Variants in LRBA observed in about 807,000 individuals in gnomAD.
LRBA encodes lipopolysaccharide-responsive and beige-like anchor protein.
LRBA carries 176 observed loss-of-function variants against 330.0 expected under a neutral mutation model. The ratio of observed to expected loss-of-function variants is 0.53; its 90% confidence interval spans 0.47 to 0.60. The LOEUF is 0.60. Among genes scored for constraint, LRBA ranks in the 20% least tolerant of loss-of-function variants. The pLI is 0.00. For synonymous variants in LRBA, 1,230 were observed against 1,193.0 expected (o/e 1.03, Z -0.64); for missense variants, 3,259 against 3,444.8 (o/e 0.95, Z 1.35).
chr4:150,651,039 C>A (rs1161533696), intron 37 of LRBA, among the ~76,000 whole-genome samples: 1 of 152,152 alleles, frequency 6.6e-6, no homozygotes, highest in South Asian at 2.1e-4. Flanking sequence ...AGCCTATTAA[C>A]AAGCAAACCT....
intron 40 of LRBA, among the ~76,000 whole-genome samples, chr4:150,505,207 C>CTCAG (rs909305206): frequency 4.6e-5 from 7 of 152,200 alleles, no homozygotes; most frequent in Admixed American, 3.3e-4. Context: ...AGGAACTGAA[C>CTCAG]TCAGCTCTGC....
intron 47 of LRBA, among the ~76,000 whole-genome samples, chr4:150,411,040 A>T (rs1014600306): frequency 6.6e-6 from 1 of 152,114 alleles, no homozygotes; most frequent in Non-Finnish European, 1.5e-5. Flanking sequence ...TCTGAAATAA[A>T]TTTTTTTCCT....
At chr4:150,707,209 C>G (rs997662257) in intron 36 of LRBA, among the ~76,000 whole-genome samples, 1 of 151,408 alleles carries the variant, frequency 6.6e-6, no homozygotes, top group Non-Finnish European at 1.5e-5. Flanking sequence ...TCACTGTGTG[C>G]TTTCTTATAA....
At chr4:150,708,107 A>G (rs113498982) in intron 36 of LRBA, among the ~76,000 whole-genome samples, 2 of 151,866 alleles carry the variant, frequency 1.3e-5, no homozygotes, top group African/African-American at 2.4e-5. Context: ...GGCAAATCTC[A>G]CAAGTAACAG....
chr4:150,791,414 C>A (rs573858694), intron 34 of LRBA, among the ~76,000 whole-genome samples: 26 of 152,320 alleles, frequency 1.7e-4, no homozygotes, highest in African/African-American at 6.0e-4. Context: ...AATTATTTGT[C>A]TCGCTCACTA....
chr4:150,597,083 C>A lies in LRBA; in HGVS notation c.6046+1924G>T, dbSNP rs982705794. On this transcript the variant is annotated intron_variant, in intron 38 of 56. Coordinates refer to ENST00000651943, the MANE Select transcript of LRBA (RefSeq NM_001364905.1). ...CTATAAAATATTACTCAATGCTTAC[C>A]TTTGCTGTTCTCTCTCAATTTAAAA... The A allele has an allele frequency of 4.3e-6, 6 of 1,390,138 alleles. No homozygotes were observed. In the African/African-American group the frequency reaches 5.8e-5, roughly 13 times the overall value. The allele number at this position is 1,390,138 out of a possible 1,614,324, so 86.1% of individuals were successfully genotyped here.
chr4:150,443,853 A>AAAATATATAT (rs70941406), intron 44 of LRBA, among the ~76,000 whole-genome samples: 19 of 75,460 alleles, frequency 2.5e-4, no homozygotes, highest in Non-Finnish European at 5.1e-4. Flanking sequence ...TAATTAAAAA[A>AAAATATATAT]ATATATATAT....
chr4:150,847,516 G>A lies in LRBA; in HGVS notation c.4339+1302C>T, dbSNP rs149946476. 1.1e-3 allele frequency among the ~76,000 whole-genome samples: 161 copies of A among 152,184 alleles called. 3 individuals are homozygous for A. Among genetic ancestry groups the A allele is most frequent in the African/African-American group, 3.8e-3 (157 of 41,540 alleles). On this transcript the variant is annotated intron_variant, in intron 26 of 56. Coordinates refer to ENST00000651943, the MANE Select transcript of LRBA (RefSeq NM_001364905.1). ...ATTAGTTTATGTAACAGACATTCTT[G>A]CTAAATATGAAAAAATATGTCATTA... is the stretch of plus-strand genomic sequence containing the variant.
chr4:150,946,790 A>T (rs1736293426), intron 2 of LRBA, among the ~76,000 whole-genome samples: 1 of 152,088 alleles, frequency 6.6e-6, no homozygotes, highest in South Asian at 2.1e-4. Context: ...TAATCAATGA[A>T]GAGCTAGTTC....
intron 46 of LRBA, among the ~76,000 whole-genome samples, chr4:150,426,195 T>C (rs1406371308): frequency 2.0e-5 from 3 of 152,042 alleles, no homozygotes; most frequent in Non-Finnish European, 4.4e-5. Flanking sequence ...AAATTTAGTT[T>C]GTCCTAATTT....
At chr4:150,736,978 T>C (rs1486181329) in intron 35 of LRBA, among the ~76,000 whole-genome samples, 1 of 151,700 alleles carries the variant, frequency 6.6e-6, no homozygotes, top group Non-Finnish European at 1.5e-5. Context: ...CTTTGGGAGG[T>C]CCGGGCGAGA....
At chr4:150,531,645 A>C (rs905968384) in intron 40 of LRBA, among the ~76,000 whole-genome samples, 1 of 152,198 alleles carries the variant, frequency 6.6e-6, no homozygotes, top group Non-Finnish European at 1.5e-5. Context: ...TTGATGAATG[A>C]GTGGATAGGC....
chr4:150,350,567 CAAA>C (rs34934931), intron 47 of LRBA, among the ~76,000 whole-genome samples: 3 of 138,466 alleles, frequency 2.2e-5, no homozygotes. Flanking sequence ...AACTCCATCT[CAAA>C]AAAAAAAAAA....
At chr4:150,966,594 GGGATTACA>G (rs915623493) in intron 2 of LRBA, among the ~76,000 whole-genome samples, 3 of 151,152 alleles carry the variant, frequency 2.0e-5, no homozygotes, top group Non-Finnish European at 4.4e-5. Context: ...CCAGAGTGCT[GGGATTACA>G]GGCGTGAGCC....
At chr4:150,579,530 G>A (rs1403551468) in intron 40 of LRBA, 1 of 401,064 alleles carries the variant, frequency 2.5e-6, no homozygotes, top group Non-Finnish European at 5.0e-6. Context: ...CTAAGACAGG[G>A]TAAATTGGTA....
chr4:150,829,491 T>A (rs1219280442), intron 29 of LRBA, among the ~76,000 whole-genome samples: 1 of 152,204 alleles, frequency 6.6e-6, no homozygotes, highest in East Asian at 1.9e-4. Context: ...CAGTGTTCAG[T>A]CCTAATAGGA....
intron 2 of LRBA, among the ~76,000 whole-genome samples, chr4:150,965,179 T>A (rs1020136870): frequency 6.6e-6 from 1 of 151,806 alleles, no homozygotes. Context: ...ATAGTATATG[T>A]AAAGATTATT....
chr4:150,560,037 T>G (rs972911001), intron 40 of LRBA, among the ~76,000 whole-genome samples: 1 of 141,338 alleles, frequency 7.1e-6, no homozygotes, highest in Non-Finnish European at 1.5e-5. Flanking sequence ...GGTTAAAGTA[T>G]TATCTCAAAG....
rs575577271 is a variant in LRBA at position 150,638,772 on chromosome 4, A to T, written c.5922-39641T>A. Among the ~76,000 whole-genome samples the T allele has an allele frequency of 3.2e-5, 4 of 123,440 alleles. No individual in the cohort carries two copies. In the East Asian group the frequency reaches 9.1e-4, roughly 28 times the overall value. 81.0% of individuals were successfully genotyped at this position (123,440 alleles called of 152,430 possible). On this transcript the variant is annotated intron_variant, in intron 37 of 56. Coordinates refer to ENST00000651943, the MANE Select transcript of LRBA (RefSeq NM_001364905.1). ...TGTTGGTGGGACTGTAAACTAGTTC[A>T]ACCATTGTGGAAGTCAGTGTGGCGA...
Sources: allele counts gnomAD v4.1 joint callset (sites outside exome capture counted in the v4.1 genomes callset), GRCh38; gene constraint gnomAD v4.1.1; transcripts MANE v1.5; gene names NCBI Gene and HGNC (gene_info 2026-07-23, HGNC 2026-07-21).